WWC2: variants seen among roughly 807,000 people sequenced by gnomAD.
The protein encoded by WWC2 is protein WWC2.
A neutral mutation model predicts 138.5 loss-of-function variants in WWC2; 101 were observed. The observed-to-expected ratio is 0.73, with a 90% CI of 0.62 to 0.86. The LOEUF (loss-of-function observed/expected upper bound fraction) is 0.86, where lower values mean the gene tolerates loss of function less well. Among genes scored for constraint, WWC2 ranks in the 40% least tolerant of loss-of-function variants. The pLI is 0.00. For missense variants in WWC2, 1,420 were observed against 1,419.4 expected (o/e 1.00, Z -0.01); for synonymous variants, 558 against 538.4 (o/e 1.04, Z -0.50).
chr4:183,266,789 G>A (rs1737518562), intron 14 of WWC2, among the ~76,000 whole-genome samples: 1 of 152,134 alleles, frequency 6.6e-6, no homozygotes, highest in Admixed American at 6.5e-5. Flanking sequence ...GCTGTTGAGG[G>A]GTGATCCCCA....
intron 21 of WWC2, among the ~76,000 whole-genome samples, chr4:183,300,316 C>T (rs1420844988): frequency 1.3e-5 from 2 of 151,188 alleles, no homozygotes; most frequent in African/African-American, 2.4e-5. Context: ...AGAGGAGCCT[C>T]GTGGTCCTTA....
At chr4:183,129,294 T>G (rs1732850660) in intron 1 of WWC2, among the ~76,000 whole-genome samples, 1 of 152,162 alleles carries the variant, frequency 6.6e-6, no homozygotes, top group Non-Finnish European at 1.5e-5. Context: ...GGGGTATCTC[T>G]TATGACTGGA....
At chr4:183,177,156 TGATA>T (rs546770201) in intron 1 of WWC2, among the ~76,000 whole-genome samples, 66 of 152,344 alleles carry the variant, frequency 4.3e-4, no homozygotes, top group Non-Finnish European at 3.5e-4. Flanking sequence ...CTGTATGCCA[TGATA>T]GATAGTGACT....
chr4:183,216,477 C>T (rs116132144), intron 4 of WWC2, among the ~76,000 whole-genome samples: 2,540 of 152,224 alleles, frequency 0.017, 76 homozygotes, highest in African/African-American at 0.058. Context: ...TTAAAAGATC[C>T]AGCTTACTTC....
At chr4:183,181,520 A>C (rs1425234441) in intron 1 of WWC2, among the ~76,000 whole-genome samples, 1 of 152,238 alleles carries the variant, frequency 6.6e-6, no homozygotes, top group Non-Finnish European at 1.5e-5. Flanking sequence ...TGAAGCATCA[A>C]TAAATACAGT....
intron 16 of WWC2, among the ~76,000 whole-genome samples, chr4:183,276,883 A>G (rs994478132): frequency 6.6e-6 from 1 of 152,118 alleles, no homozygotes; most frequent in African/African-American, 2.4e-5. Context: ...CGTATTAAAA[A>G]TACCATTTTA....
At chr4:183,103,919 C>T (rs1389692499) in intron 1 of WWC2, among the ~76,000 whole-genome samples, 1 of 152,166 alleles carries the variant, frequency 6.6e-6, no homozygotes, top group Non-Finnish European at 1.5e-5. Context: ...CAGGCATGAG[C>T]CACCACGCCC....
At chr4:183,284,474 C>G (rs113179902) in intron 19 of WWC2, 84 bp downstream of exon 19, 8 of 1,500,318 alleles carry the variant, frequency 5.3e-6, no homozygotes, top group African/African-American at 4.1e-5. Context: ...GGACAAGAGA[C>G]TGTGCACTGG....
intron 1 of WWC2, among the ~76,000 whole-genome samples, chr4:183,109,299 T>C (rs977060990): frequency 6.6e-6 from 1 of 152,206 alleles, no homozygotes; most frequent in Non-Finnish European, 1.5e-5. Context: ...AGTTTGCCAT[T>C]GTCTTTAAAA....
Position 183,225,659 on chromosome 4 carries a change from C to T in WWC2, c.523-14524C>T, listed in dbSNP as rs183009617. Among the ~76,000 whole-genome samples, 13 of 152,292 alleles carry T rather than the reference C, an allele frequency of 8.5e-5. No homozygotes were observed. The East Asian group carries it at 2.5e-3, about 29-fold the overall frequency. ...TGCAATAACTAACAGGATGAGAAGC[C>T]TTTAGTCGTTCATTCATTAAGCAGT... On this transcript the variant is annotated intron_variant, in intron 4 of 22. Coordinates refer to ENST00000403733, the MANE Select transcript of WWC2 (RefSeq NM_024949.6).
intron 6 of WWC2, among the ~76,000 whole-genome samples, chr4:183,248,310 C>A (rs750894038): frequency 6.6e-6 from 1 of 152,188 alleles, no homozygotes; most frequent in African/African-American, 2.4e-5. Flanking sequence ...GTAGGAAGTT[C>A]TTTTACTGTA....
intron 1 of WWC2, among the ~76,000 whole-genome samples, chr4:183,132,492 C>T (rs1393783017): frequency 6.7e-6 from 1 of 149,178 alleles, no homozygotes; most frequent in South Asian, 2.1e-4. Flanking sequence ...CTCGCTCTGT[C>T]GCCCAGGCTG....
chr4:183,164,309 TATTATATATACA>T (rs1561443724), intron 1 of WWC2, among the ~76,000 whole-genome samples: 165 of 1,000 alleles, frequency 0.17, 12 homozygotes, highest in Non-Finnish European at 0.23. Context: ...TACATATATA[TATTATATATACA>T]TATATATATA....
chr4:183,265,895 G>T lies in WWC2; in HGVS notation c.2151G>T (p.Val717=), dbSNP rs1175222778. The stretch of plus-strand genomic sequence containing the variant: ...ATGCAAAAAGTTCAAGTTTCATGGT[G>T]ATTATAGCACAGCTCCGAAACCTTC... ...RYNAKSSSFM[V]IIAQLRNLHA... Residue 717 remains valine (V), a synonymous_variant, in exon 14 of 23, where the codon GTG becomes GTT. Coordinates refer to ENST00000403733, the MANE Select transcript of WWC2 (RefSeq NM_024949.6). 2 of 1,613,418 alleles carry T rather than the reference G, an allele frequency of 1.2e-6. No homozygotes were observed. The highest frequency in any genetic ancestry group is 8.5e-7 in the Non-Finnish European group (1 of 1,179,698).
rs1406159200 is a variant in WWC2, at chr4:183,245,525, G to A, written c.712G>A (p.Glu238Lys). Residue 238 changes from glutamate (E) to lysine (K), a missense_variant, in exon 6 of 23, where the codon GAA becomes AAA. Coordinates refer to ENST00000403733, the MANE Select transcript of WWC2 (RefSeq NM_024949.6). ...AAAGGCAATTAGCTCAGGAGAAAAA[G>A]AAAAACAAGATCTGATGCAGGTACA... The part of the protein sequence containing the change: ...IRKAISSGEK[E>K]KQDLMQSLAK... 6.3e-7 allele frequency: 1 copy of A among 1,594,816 alleles called. No individual in the cohort carries two copies. The highest frequency in any genetic ancestry group is 8.5e-7 in the Non-Finnish European group (1 of 1,173,452).
At position 183,261,110 on chromosome 4, in the gene WWC2, A is replaced by G. The variant is rs577441167; in HGVS notation, c.1487A>G (p.Tyr496Cys). The G allele has an allele frequency of 1.2e-6, 2 of 1,613,970 alleles. No homozygotes were observed. The highest frequency in any genetic ancestry group is 1.7e-6 in the Non-Finnish European group (2 of 1,179,868). Residue 496 changes from tyrosine (Y) to cysteine (C), a missense_variant, in exon 11 of 23, where the codon TAC (tyrosine) becomes TGC (cysteine). Transcript: ENST00000403733. ...LDFLLQEKSG[Y>C]IPSGPITTIH... ...TTCCTTCTGCAAGAGAAAAGCGGTT[A>G]CATTCCTTCTGGACCCATCACCACC...
intron 1 of WWC2, among the ~76,000 whole-genome samples, chr4:183,144,025 A>G (rs1021767832): frequency 6.6e-6 from 1 of 152,222 alleles, no homozygotes; most frequent in Non-Finnish European, 1.5e-5. Flanking sequence ...AATTAAGATA[A>G]CAGATACAGA....
chr4:183,174,579 A>G (rs898171975), intron 1 of WWC2, among the ~76,000 whole-genome samples: 71 of 152,326 alleles, frequency 4.7e-4, no homozygotes, highest in African/African-American at 1.6e-3. Context: ...GAGGGAATGT[A>G]GGTAAGCACA....
At position 183,316,666 on chromosome 4, in the gene WWC2, T is replaced by C. The variant is rs1739451312; in HGVS notation, c.*937T>C. Reference sequence around the variant, plus strand: ...GGAGGGAAATGCATCGGCACTCATTTGGTGTAACCAAGAAGAGGGGGAAAG... The same window carrying C: ...GGAGGGAAATGCATCGGCACTCATTCGGTGTAACCAAGAAGAGGGGGAAAG... On this transcript the variant is annotated 3_prime_UTR_variant, in exon 23 of 23. Coordinates refer to ENST00000403733, the MANE Select transcript of WWC2 (RefSeq NM_024949.6). 6.6e-6 allele frequency: 1 copy of C among 152,268 alleles called. No individual in the cohort carries two copies. Among genetic ancestry groups the C allele is most frequent in the Non-Finnish European group, 1.5e-5 (1 of 68,040 alleles). The allele number at this position is 152,268 out of a possible 1,614,324, so 9.4% of individuals were successfully genotyped here.
Sources: allele counts gnomAD v4.1 joint callset (sites outside exome capture counted in the v4.1 genomes callset), GRCh38; gene constraint gnomAD v4.1.1; transcripts MANE v1.5; gene names NCBI Gene and HGNC (gene_info 2026-07-23, HGNC 2026-07-21).